NT5E: variants seen among roughly 807,000 people sequenced by gnomAD.
NT5E encodes the protein 5'-nucleotidase ecto, also known as 5'-nucleotidase.
In NT5E, 53 loss-of-function variants were observed where a neutral mutation model predicts 55.1. That is an observed-to-expected ratio of 0.96 (90% CI 0.77 to 1.21). The LOEUF (loss-of-function observed/expected upper bound fraction) is 1.21, where lower values mean the gene tolerates loss of function less well. Among genes scored for constraint, NT5E ranks in the 50% most tolerant of loss-of-function variants. The pLI is 0.00. For synonymous variants in NT5E, 270 were observed against 278.4 expected, an observed-to-expected ratio of 0.97 and a Z score of 0.30; for missense variants, 683 against 724.3, an observed-to-expected ratio of 0.94 and a Z score of 0.65.
At chr6:85,486,211 G>C (rs1037163183) in intron 4 of NT5E, among the ~76,000 whole-genome samples, 1 of 151,752 alleles carries the variant, frequency 6.6e-6, no homozygotes, top group Non-Finnish European at 1.5e-5. Flanking sequence ...TACAGTATGA[G>C]ATAAGAATTT....
rs149223779 is a variant in NT5E, at chr6:85,494,885, C to T, written c.*881C>T. On this transcript the variant is annotated 3_prime_UTR_variant, in exon 9 of 9. Coordinates refer to ENST00000257770, the MANE Select transcript of NT5E (RefSeq NM_002526.4). ...AAAAGCAAGAGCTAAAGAGCATTTA[C>T]ACATGTTAAACAGATACTTGTTAAG... 195 of 152,354 alleles carry T rather than the reference C, an allele frequency of 1.3e-3. 1 individual carries two copies. Among genetic ancestry groups the T allele is most frequent in the African/African-American group, 4.5e-3 (189 of 41,572 alleles). The allele number at this position is 152,354 out of a possible 1,614,324, so 9.4% of individuals were successfully genotyped here.
intron 1 of NT5E, among the ~76,000 whole-genome samples, chr6:85,454,321 A>T (rs1768947827): frequency 1.3e-5 from 2 of 152,328 alleles, no homozygotes; most frequent in African/African-American, 4.8e-5. Flanking sequence ...CCCAAACAGG[A>T]CATGTAAATT....
At chr6:85,458,844 A>G (rs949098325) in intron 1 of NT5E, among the ~76,000 whole-genome samples, 2 of 152,174 alleles carry the variant, frequency 1.3e-5, no homozygotes, top group Non-Finnish European at 2.9e-5. Flanking sequence ...AATGCTGTCT[A>G]TTTGGTACTT....
chr6:85,455,107 T>C (rs979516225), intron 1 of NT5E, among the ~76,000 whole-genome samples: 1 of 152,106 alleles, frequency 6.6e-6, no homozygotes, highest in Non-Finnish European at 1.5e-5. Flanking sequence ...AGCCATGTGG[T>C]TTCTGCGTAG....
In NT5E at chr6:85,472,412, G is replaced by A. The variant is rs553224601; in HGVS notation, c.751+987G>A. On this transcript the variant is annotated intron_variant, in intron 3 of 8. Coordinates refer to ENST00000257770, the MANE Select transcript of NT5E (RefSeq NM_002526.4). ...TTTATTTTCTTTCTAGTACTTTGGA[G>A]TATTTTCAAATAATGAATGCATGTT... is the stretch of plus-strand genomic sequence containing the variant. Among the ~76,000 whole-genome samples the A allele has an allele frequency of 9.5e-4, 144 of 152,286 alleles. 1 individual carries two copies. The highest frequency in any genetic ancestry group is 3.5e-3 in the African/African-American group (144 of 41,568).
chr6:85,479,265 C>G (rs1769494990), intron 3 of NT5E, among the ~76,000 whole-genome samples: 1 of 152,082 alleles, frequency 6.6e-6, no homozygotes, highest in Non-Finnish European at 1.5e-5. Context: ...CGATAAGAAA[C>G]CAGGAATGCA....
chr6:85,477,638 C>T (rs1769462708), intron 3 of NT5E, among the ~76,000 whole-genome samples: 1 of 152,212 alleles, frequency 6.6e-6, no homozygotes, highest in African/African-American at 2.4e-5. Context: ...AATCATTATT[C>T]ATCTCTCCAT....
At position 85,492,102 on chromosome 6, in the gene NT5E, A is replaced by G. The variant is rs1769797664; in HGVS notation, c.1486A>G (p.Ile496Val). Reference protein sequence around the residue: ...PLKMDEVYKVILPNFLANGGD... With the variant: ...PLKMDEVYKVVLPNFLANGGD... Reference sequence around the variant, plus strand: ...CAAAATGGACGAGGTATATAAGGTGATCCTCCCAAACTTCCTGGCCAATGG... The same window carrying G: ...CAAAATGGACGAGGTATATAAGGTGGTCCTCCCAAACTTCCTGGCCAATGG... Residue 496 changes from isoleucine (I) to valine (V), a missense_variant, in exon 8 of 9, where the codon ATC (isoleucine) becomes GTC (valine). Transcript: ENST00000257770. 3.1e-6 allele frequency: 5 copies of G among 1,614,104 alleles called. No homozygotes were observed. The East Asian group carries it at 1.1e-4, about 36-fold the overall frequency.
Position 85,485,311 on chromosome 6 carries a change from TG to T in NT5E, c.829del (p.Val277Ter), listed in dbSNP as rs1769627877. ...CTTCTGATGATGGGCGGAAGGTTCC[TG>T]TAGTCCAGGCCTATGCTTTTGGCAA... ...VTSDDGRKVP[V>X]VQAYAFGKYL... is the part of the protein sequence containing the mutation. On this transcript the variant is annotated frameshift_variant, in exon 4 of 9. Transcript: ENST00000257770. LOFTEE classifies it high-confidence loss of function. 1 of 1,614,196 alleles carries T rather than the reference TG, an allele frequency of 6.2e-7. No individual in the cohort carries two copies. The highest frequency in any genetic ancestry group is 8.5e-7 in the Non-Finnish European group (1 of 1,180,014).
chr6:85,493,986 C>CTT lies in NT5E; in HGVS notation c.1709_1710dup (p.Val571LeufsTer29). ...TATTTCTTTCACTTTGGGCAGTGAT[C>CTT]TTTGTTTTATACCAATAGCCAAAAA... On this transcript the variant is annotated frameshift_variant, in exon 9 of 9. Transcript: ENST00000257770. LOFTEE classifies it high-confidence loss of function. 6.2e-7 allele frequency: 1 copy of CTT among 1,613,892 alleles called. No individual in the cohort carries two copies.
Position 85,487,458 on chromosome 6 carries a change from G to A in NT5E, c.1073G>A (p.Cys358Tyr), listed in dbSNP as rs387906620. The part of the protein sequence containing the change: ...GSSQSCRFRE[C>Y]NMGNLICDAM... Reference sequence around the variant, plus strand: ...TCTCAATCATGCCGCTTTAGAGAATGCAACATGGGCAACCTGATTTGTGAT... The same window carrying A: ...TCTCAATCATGCCGCTTTAGAGAATACAACATGGGCAACCTGATTTGTGAT... Residue 358 changes from cysteine (C) to tyrosine (Y), a missense_variant, in exon 5 of 9, where the codon TGC becomes TAC. Transcript: ENST00000257770. The A allele has an allele frequency of 6.8e-6, 11 of 1,614,182 alleles. No homozygotes were observed. Among genetic ancestry groups the A allele is most frequent in the Non-Finnish European group, 9.3e-6 (11 of 1,180,026 alleles).
rs1769882296 is a variant in NT5E at position 85,495,769 on chromosome 6, A to G, written c.*1765A>G. 1 of 152,170 alleles carries G rather than the reference A, an allele frequency of 6.6e-6. No homozygotes were observed. The allele number at this position is 152,170 out of a possible 1,614,324, so 9.4% of individuals were successfully genotyped here. A position where few individuals can be genotyped will look rare whatever the true frequency, so the allele number is the denominator to read the frequency against. On this transcript the variant is annotated 3_prime_UTR_variant, in exon 9 of 9. Transcript: ENST00000257770. Reference sequence around the variant, plus strand: ...TGCAATTGTAGATTCCCAACAATAAAATTGAAGATAAGCTCTTTGGTCTTT... The same window carrying G: ...TGCAATTGTAGATTCCCAACAATAAGATTGAAGATAAGCTCTTTGGTCTTT...
chr6:85,481,196 C>T (rs1039127602), intron 3 of NT5E, among the ~76,000 whole-genome samples: 2 of 152,164 alleles, frequency 1.3e-5, no homozygotes, highest in Non-Finnish European at 2.9e-5. Context: ...TGCCCCTGCC[C>T]TCATGGAACT....
rs758792686 is a variant in NT5E, at chr6:85,491,967, T to C, written c.1361-10T>C. The C allele has an allele frequency of 9.3e-6, 15 of 1,613,098 alleles. No individual in the cohort carries two copies. Among genetic ancestry groups the C allele is most frequent in the African/African-American group, 1.3e-5 (1 of 75,046 alleles). The stretch of plus-strand genomic sequence containing the variant: ...TGGATCTGGTGAAAACAGATTCATT[T>C]CTTTTCTAGGAATCCATGTGGTGTA... On this transcript the variant is annotated splice_polypyrimidine_tract_variant and intron_variant, in intron 7 of 8. Coordinates refer to ENST00000257770, the MANE Select transcript of NT5E (RefSeq NM_002526.4).
At position 85,467,062 on chromosome 6, in the gene NT5E, A is replaced by G. The variant is rs35694460; in HGVS notation, c.342A>G (p.Ala114=). Residue 114 remains alanine, a splice_region_variant and synonymous_variant, in exon 2 of 9, where the codon GCA becomes GCG. Coordinates refer to ENST00000257770, the MANE Select transcript of NT5E (RefSeq NM_002526.4). ...TTTCTCTTTTCTGTTTTATCTAGGC[A>G]CTGGGAAATCATGAATTTGATAATG... The part of the protein sequence containing the change: ...FMNALRYDAM[A]LGNHEFDNGV... The G allele has an allele frequency of 3.5e-3, 5,607 of 1,613,664 alleles. 179 individuals carry two copies. The African/African-American group carries it at 0.066, about 19-fold the overall frequency.
intron 1 of NT5E, 98 bp from the exon 2 acceptor site, chr6:85,466,962 C>G: frequency 1.8e-6 from 2 of 1,134,318 alleles, no homozygotes; most frequent in Non-Finnish European, 1.3e-6. Flanking sequence ...CAAAATCATG[C>G]AATATGTCTC....
intron 1 of NT5E, among the ~76,000 whole-genome samples, chr6:85,455,229 T>C (rs1160405095): frequency 6.6e-6 from 1 of 152,204 alleles, no homozygotes; most frequent in African/African-American, 2.4e-5. Flanking sequence ...TCCTTTGTGA[T>C]TCATAATAAA....
intron 3 of NT5E, among the ~76,000 whole-genome samples, chr6:85,483,711 A>T (rs1582384234): frequency 6.6e-6 from 1 of 152,334 alleles, no homozygotes; most frequent in East Asian, 1.9e-4. Context: ...CTCTTGACAT[A>T]GGAGCATGGC....
At chr6:85,490,140 A>G (rs1397334627) in intron 6 of NT5E, among the ~76,000 whole-genome samples, 1 of 152,208 alleles carries the variant, frequency 6.6e-6, no homozygotes, top group African/African-American at 2.4e-5. Flanking sequence ...CCCCAAACGC[A>G]TCCCATTGTC....
Sources: allele counts gnomAD v4.1 joint callset (sites outside exome capture counted in the v4.1 genomes callset), GRCh38; gene constraint gnomAD v4.1.1; transcripts MANE v1.5; gene names NCBI Gene and HGNC (gene_info 2026-07-23, HGNC 2026-07-21).